GABRA2: variants seen among roughly 807,000 people sequenced by gnomAD.
GABRA2 encodes the protein gamma-aminobutyric acid type A receptor subunit alpha2.
A neutral mutation model predicts 48.7 loss-of-function variants in GABRA2; 16 were observed. The observed-to-expected ratio is 0.33, with a 90% CI of 0.22 to 0.50. The LOEUF is 0.50. Among genes scored for constraint, GABRA2 ranks in the 20% least tolerant of loss-of-function variants. The pLI, the probability that GABRA2 is intolerant of heterozygous loss-of-function variation, is 0.98. For missense variants in GABRA2, 275 were observed against 535.6 expected (o/e 0.51, Z 4.80); for synonymous variants, 185 against 184.5 (o/e 1.00, Z -0.02).
At chr4:46,267,252 A>AT (rs1718434057) in intron 8 of GABRA2, among the ~76,000 whole-genome samples, 1 of 151,950 alleles carries the variant, frequency 6.6e-6, no homozygotes, top group Non-Finnish European at 1.5e-5. Context: ...CCTCTAGTGA[A>AT]TTTTTTATTT....
chr4:46,256,213 T>C, intron 9 of GABRA2: 1 of 680,612 alleles, frequency 1.5e-6, no homozygotes, highest in Non-Finnish European at 2.7e-6. Flanking sequence ...GTTTGAAGGT[T>C]AAACAGTCCA....
chr4:46,320,554 C>G (rs1360253225), intron 4 of GABRA2, among the ~76,000 whole-genome samples: 1 of 151,730 alleles, frequency 6.6e-6, no homozygotes, highest in Non-Finnish European at 1.5e-5. Flanking sequence ...AGATTAATAT[C>G]CAAAATACAT....
chr4:46,378,673 A>T (rs61043986), intron 3 of GABRA2, among the ~76,000 whole-genome samples: 6,315 of 152,016 alleles, frequency 0.042, 462 homozygotes, highest in African/African-American at 0.15. Context: ...AAAAAAATTT[A>T]AAAATTAGCT....
intron 4 of GABRA2, among the ~76,000 whole-genome samples, chr4:46,313,453 T>C (rs1013722912): frequency 6.6e-6 from 1 of 152,062 alleles, no homozygotes; most frequent in Non-Finnish European, 1.5e-5. Context: ...ATTATGACTA[T>C]CTTGCAGATA....
rs1714299459 is a variant in GABRA2 at position 46,249,416 on chromosome 4, T to G, written c.*892A>C. On this transcript the variant is annotated 3_prime_UTR_variant, in exon 10 of 10. Transcript: ENST00000381620. ...ATGAATTCTCATCAGTGGGAGTTTT[T>G]GGCACAATTTTCTAATCCAATATGC... The G allele has an allele frequency of 6.6e-6, 1 of 151,388 alleles. No individual in the cohort carries two copies. The highest frequency in any genetic ancestry group is 2.1e-4 in the South Asian group (1 of 4,822). The allele number at this position is 151,388 out of a possible 1,614,324, so 9.4% of individuals were successfully genotyped here. A position where few individuals can be genotyped will look rare whatever the true frequency, so the allele number is the denominator to read the frequency against.
At chr4:46,357,134 T>G (rs1041497444) in intron 3 of GABRA2, among the ~76,000 whole-genome samples, 11 of 151,922 alleles carry the variant, frequency 7.2e-5, no homozygotes, top group Admixed American at 2.0e-4. Flanking sequence ...TCTACATACA[T>G]AAAACAGTGA....
chr4:46,384,135 A>G (rs1717129435), intron 3 of GABRA2, among the ~76,000 whole-genome samples: 2 of 152,156 alleles, frequency 1.3e-5, no homozygotes, highest in Non-Finnish European at 2.9e-5. Context: ...ATGGAGCAGA[A>G]TTCCAGTCTA....
At chr4:46,369,812 T>C (rs1714608824) in intron 3 of GABRA2, among the ~76,000 whole-genome samples, 2 of 152,066 alleles carry the variant, frequency 1.3e-5, no homozygotes, top group Admixed American at 6.6e-5. Flanking sequence ...TTAAATATAG[T>C]AACGGGAGAT....
intron 9 of GABRA2, among the ~76,000 whole-genome samples, chr4:46,256,856 A>G (rs978004399): frequency 1.3e-5 from 2 of 151,760 alleles, no homozygotes; most frequent in East Asian, 3.9e-4. Flanking sequence ...AAAATGACTC[A>G]TAAAACAATA....
intron 6 of GABRA2, among the ~76,000 whole-genome samples, chr4:46,309,553 T>G (rs1295442171): frequency 2.6e-5 from 4 of 151,890 alleles, no homozygotes; most frequent in African/African-American, 7.3e-5. Context: ...CCTTTTCAAT[T>G]ATTCTGGAAG....
At chr4:46,382,193 CATATATAT>C (rs71652883) in intron 3 of GABRA2, among the ~76,000 whole-genome samples, 1 of 148,356 alleles carries the variant, frequency 6.7e-6, no homozygotes, top group Non-Finnish European at 1.5e-5. Flanking sequence ...CACACACACA[CATATATAT>C]ATATATATAA....
chr4:46,310,660 T>C (rs1357211649), intron 5 of GABRA2, among the ~76,000 whole-genome samples: 1 of 152,122 alleles, frequency 6.6e-6, no homozygotes, highest in Admixed American at 6.6e-5. Context: ...GATCAAAGGA[T>C]TCAATATTAG....
chr4:46,342,067 TG>T (rs1002006599), intron 3 of GABRA2, among the ~76,000 whole-genome samples: 1 of 139,488 alleles, frequency 7.2e-6, no homozygotes, highest in Non-Finnish European at 1.5e-5. Flanking sequence ...TCAAATCCAG[TG>T]GCTGCCAGAC....
chr4:46,255,550 A>T (rs1447835375), intron 9 of GABRA2, among the ~76,000 whole-genome samples: 1 of 151,604 alleles, frequency 6.6e-6, no homozygotes, highest in Non-Finnish European at 1.5e-5. Flanking sequence ...TTTTTTATAT[A>T]TTATCTGGGT....
In GABRA2 at chr4:46,250,074, C is replaced by A; in HGVS notation, c.*234G>T. On this transcript the variant is annotated 3_prime_UTR_variant, in exon 10 of 10. Coordinates refer to ENST00000381620, the MANE Select transcript of GABRA2 (RefSeq NM_000807.4). ...CTTGAAATTCACTTTAAATCAGGTC[C>A]TAGGGTAAATCTTTAAAAAAGGCAA... 7 of 447,724 alleles carry A rather than the reference C, an allele frequency of 1.6e-5. No homozygotes were observed. The highest frequency in any genetic ancestry group is 7.5e-5 in the South Asian group (2 of 26,568). 27.7% of individuals were successfully genotyped at this position (447,724 alleles called of 1,614,324 possible).
chr4:46,339,788 G>A (rs1043133076), intron 3 of GABRA2, among the ~76,000 whole-genome samples: 1 of 151,656 alleles, frequency 6.6e-6, no homozygotes, highest in Non-Finnish European at 1.5e-5. Context: ...ACAAATTTCA[G>A]TTTTTGGTGT....
chr4:46,305,462 T>C, intron 7 of GABRA2, 106 bp downstream of exon 7: 1 of 1,013,292 alleles, frequency 9.9e-7, no homozygotes, highest in South Asian at 1.6e-5. Context: ...CTGCTAGTTC[T>C]TGGACCTCAA....
intron 8 of GABRA2, among the ~76,000 whole-genome samples, chr4:46,286,709 ACATAATTT>A (rs1486352284): frequency 6.6e-6 from 1 of 152,166 alleles, no homozygotes; most frequent in Non-Finnish European, 1.5e-5. Context: ...GTAGTATTGT[ACATAATTT>A]CATGTGCTTA....
chr4:46,283,597 C>A (rs1247258000), intron 8 of GABRA2, among the ~76,000 whole-genome samples: 2 of 151,942 alleles, frequency 1.3e-5, no homozygotes, highest in Non-Finnish European at 1.5e-5. Flanking sequence ...AAACATAGCC[C>A]TTTTGGAGTT....
Sources: allele counts gnomAD v4.1 joint callset (sites outside exome capture counted in the v4.1 genomes callset), GRCh38; gene constraint gnomAD v4.1.1; transcripts MANE v1.5; gene names NCBI Gene and HGNC (gene_info 2026-07-23, HGNC 2026-07-21).